RGS14: variants seen among roughly 807,000 people sequenced by gnomAD.
RGS14 encodes regulator of G-protein signaling 14.
Under a neutral mutation model 63.8 loss-of-function variants are expected in RGS14, and 33 were observed. The ratio of observed to expected loss-of-function variants is 0.52; its 90% CI spans 0.39 to 0.69. The LOEUF is 0.69. RGS14 is among the 30% of genes least tolerant of loss of function. RGS14 has a pLI of 0.00. For missense variants in RGS14, 739 were observed against 742.9 expected, an observed-to-expected ratio of 0.99 and a Z score of 0.06; for synonymous variants, 296 against 320.9, an observed-to-expected ratio of 0.92 and a Z score of 0.83.
chr5:177,365,075 C>A (rs1359230185), intron 1 of RGS14, among the ~76,000 whole-genome samples: 2 of 152,178 alleles, frequency 1.3e-5, no homozygotes, highest in South Asian at 2.1e-4. Flanking sequence ...ATAGGCAACA[C>A]GTGCGATAGT....
In RGS14 at chr5:177,368,931, G is replaced by A. The variant is rs752684329; in HGVS notation, c.1053+11G>A. ...GTGGGCAATGAACAGGTGGGAACGT[G>A]ACCTGGCTCCAACTCTAACCTCCTT... On this transcript the variant is annotated intron_variant, in intron 9 of 14. Transcript: ENST00000408923. 2 of 1,613,338 alleles carry A rather than the reference G, an allele frequency of 1.2e-6. No individual in the cohort carries two copies. The highest frequency in any genetic ancestry group is 1.7e-6 in the Non-Finnish European group (2 of 1,179,432).
rs188728356 is a variant in RGS14, at chr5:177,364,681, G to A, written c.46-1282G>A. ...GGTTGAGGCCACATTGCATGAGTGG[G>A]AGATAGTGGGGAAGCTGGAGGAGCT... On this transcript the variant is annotated intron_variant, in intron 1 of 14. Transcript: ENST00000408923. This position sits in a 1 kb window ranked among gnomAD's most constrained non-coding sequence, Gnocchi z 4.6. 6.6e-6 allele frequency among the ~76,000 whole-genome samples: 1 copy of A among 152,300 alleles called. No individual in the cohort carries two copies. Among genetic ancestry groups the A allele is most frequent in the East Asian group, 1.9e-4 (1 of 5,186 alleles).
chr5:177,362,160 G>A (rs1348705235), intron 1 of RGS14, among the ~76,000 whole-genome samples: 2 of 152,178 alleles, frequency 1.3e-5, no homozygotes, highest in African/African-American at 4.8e-5. Flanking sequence ...GAAGTTACTT[G>A]TTCCCGAATA....
At chr5:177,360,651 C>T (rs1260139576) in intron 1 of RGS14, among the ~76,000 whole-genome samples, 4 of 150,468 alleles carry the variant, frequency 2.7e-5, no homozygotes, top group Non-Finnish European at 3.0e-5. Flanking sequence ...CAGTTGCTCA[C>T]GCCTCTAATC....
At chr5:177,367,144 G>C in intron 5 of RGS14, 110 bp downstream of exon 5, 1 of 1,408,678 alleles carries the variant, frequency 7.1e-7, no homozygotes, top group Non-Finnish European at 9.6e-7. Context: ...AAATTTGGAG[G>C]CGGAGACAGA....
At chr5:177,366,658 GTCT>G in intron 3 of RGS14, 47 bp from the exon 4 acceptor site, 1 of 1,554,676 alleles carries the variant, frequency 6.4e-7, no homozygotes, top group Admixed American at 1.7e-5. Context: ...CCCCAGTTTG[GTCT>G]CTGTGTCTCT....
intron 5 of RGS14, 33 bp from the exon 6 acceptor site, chr5:177,367,381 C>T (rs1230721973): frequency 5.1e-6 from 8 of 1,564,788 alleles, no homozygotes; most frequent in Non-Finnish European, 7.0e-6. Context: ...CCCACCCCAG[C>T]CCCGGCTCAC....
At position 177,366,794 on chromosome 5, in the gene RGS14, C is replaced by A; in HGVS notation, c.333C>A (p.Thr111=). The A allele has an allele frequency of 6.2e-7, 1 of 1,614,104 alleles. No individual in the cohort carries two copies. Among genetic ancestry groups the A allele is most frequent in the Non-Finnish European group, 8.5e-7 (1 of 1,179,992 alleles). ...ERFQQIPASD[T]QQLAQEARNI... is the part of the protein sequence containing the mutation. ...TCCAGCAGATCCCGGCCAGCGATACCCAGCAGGTGGGGGAAGGGGGAGCTG... is the reference window on the plus strand; with the variant it reads ...TCCAGCAGATCCCGGCCAGCGATACACAGCAGGTGGGGGAAGGGGGAGCTG... The change falls in exon 4 of 15, where the codon ACC becomes ACA. Residue 111 remains threonine (T), a synonymous_variant. Coordinates refer to ENST00000408923, the MANE Select transcript of RGS14 (RefSeq NM_006480.5).
intron 5 of RGS14, 39 bp from the exon 6 acceptor site, chr5:177,367,375 C>T (rs1455034601): frequency 2.6e-6 from 4 of 1,557,390 alleles, no homozygotes; most frequent in Non-Finnish European, 3.5e-6. Flanking sequence ...AGCGCCCCCA[C>T]CCCAGCCCCG....
intron 1 of RGS14, among the ~76,000 whole-genome samples, chr5:177,362,924 G>C (rs908313754): frequency 6.6e-6 from 1 of 152,194 alleles, no homozygotes; most frequent in Non-Finnish European, 1.5e-5. Context: ...GCCAGCTCCA[G>C]CGCCTATCAC....
Position 177,371,376 on chromosome 5 carries a change from A to G in RGS14, c.1363A>G (p.Lys455Glu), listed in dbSNP as rs776350619. 4.3e-6 allele frequency: 7 copies of G among 1,613,702 alleles called. No individual in the cohort carries two copies. In the Admixed American group the frequency reaches 5.0e-5, roughly 12 times the overall value. ...PGVKISKARD[K>E]SPCRSQGCPP... ...TGTGAAGATCTCCAAAGCCCGTGAC[A>G]AATCTCCCTGCCGCAGCCAGGTGAG... The change falls in exon 13 of 15, where the codon AAA (lysine) becomes GAA (glutamate). Residue 455 changes from lysine to glutamate, a missense_variant. Lys to Glu is a moderately conservative substitution (Grantham distance 56). Transcript: ENST00000408923. The surrounding 1 kb of genome is among the most constrained non-coding windows in gnomAD (Gnocchi z 6.1).
In RGS14 at chr5:177,370,673, C is replaced by T; in HGVS notation, c.1127+9C>T. 1 of 1,613,722 alleles carries T rather than the reference C, an allele frequency of 6.2e-7. No individual in the cohort carries two copies. Among genetic ancestry groups the T allele is most frequent in the African/African-American group, 1.3e-5 (1 of 75,034 alleles). On this transcript the variant is annotated intron_variant, in intron 10 of 14. Transcript: ENST00000408923. ...AACAGGATCACCTTCGAGTGAGTGT[C>T]CTGCCCCCAAGTCTGGGTCCCAGGT...
rs550724184 is a variant in RGS14, at chr5:177,364,567, G to T, written c.46-1396G>T. On this transcript the variant is annotated intron_variant, in intron 1 of 14. Coordinates refer to ENST00000408923, the MANE Select transcript of RGS14 (RefSeq NM_006480.5). The surrounding 1 kb of genome is among the most constrained non-coding windows in gnomAD (Gnocchi z 4.6). Reference sequence around the variant, plus strand: ...TAACCCCAAGTCAGGGGTGATAGGCGCTGGAGCCGTTACCAGGAAGTTGGT... The same window carrying T: ...TAACCCCAAGTCAGGGGTGATAGGCTCTGGAGCCGTTACCAGGAAGTTGGT... Among the ~76,000 whole-genome samples, 21 of 152,280 alleles carry T rather than the reference G, an allele frequency of 1.4e-4. No homozygotes were observed. Among genetic ancestry groups the T allele is most frequent in the South Asian group, 1.2e-3 (6 of 4,822 alleles).
rs531722487 is a variant in RGS14, at chr5:177,359,556, C to A, written c.45+1487C>A. Among the ~76,000 whole-genome samples the A allele has an allele frequency of 6.6e-6, 1 of 152,344 alleles. No homozygotes were observed. Among genetic ancestry groups the A allele is most frequent in the South Asian group, 2.1e-4 (1 of 4,834 alleles). Reference sequence around the variant, plus strand: ...TCTGTGTCAGCCTGTGACTTCTCTACTCAAAAGTCACCTAGAGCAGGGAGG... The same window carrying A: ...TCTGTGTCAGCCTGTGACTTCTCTAATCAAAAGTCACCTAGAGCAGGGAGG... On this transcript the variant is annotated intron_variant, in intron 1 of 14. Coordinates refer to ENST00000408923, the MANE Select transcript of RGS14 (RefSeq NM_006480.5). The surrounding 1 kb of genome is among the most constrained non-coding windows in gnomAD (Gnocchi z 4.4).
chr5:177,367,854 TG>T (rs766551966), intron 7 of RGS14, 29 bp downstream of exon 7: 41 of 1,536,016 alleles, frequency 2.7e-5, no homozygotes, highest in Non-Finnish European at 3.3e-5. Context: ...AACAGAGATG[TG>T]GGGAAGGCGG....
In RGS14 at chr5:177,364,764, G is replaced by C. The variant is rs1401939250; in HGVS notation, c.46-1199G>C. 2.6e-5 allele frequency among the ~76,000 whole-genome samples: 4 copies of C among 152,214 alleles called. No individual in the cohort carries two copies. The highest frequency in any genetic ancestry group is 2.0e-4 in the Admixed American group (3 of 15,288). On this transcript the variant is annotated intron_variant, in intron 1 of 14. Coordinates refer to ENST00000408923, the MANE Select transcript of RGS14 (RefSeq NM_006480.5). This position sits in a 1 kb window ranked among gnomAD's most constrained non-coding sequence, Gnocchi z 4.6. ...CACCGCAAGAGTCATTTTGAGAGGA[G>C]AGTTTTTCTGTTTCACTAATGATTG...
rs1436188653 is a variant in RGS14 at position 177,370,596 on chromosome 5, G to T, written c.1059G>T (p.Leu353=). ...KVYLVGNEQA[L]VLDQDCTVLA... is the part of the protein sequence containing the mutation. ...CTGCCTGGCATCCACAGAAGGCCCTGGTCCTGGATCAGGACTGCACCGTGC... is the reference window on the plus strand; with the variant it reads ...CTGCCTGGCATCCACAGAAGGCCCTTGTCCTGGATCAGGACTGCACCGTGC... The change falls in exon 10 of 15, where the codon CTG becomes CTT. Residue 353 remains leucine, a synonymous_variant. Coordinates refer to ENST00000408923, the MANE Select transcript of RGS14 (RefSeq NM_006480.5). 1.2e-6 allele frequency: 2 copies of T among 1,613,858 alleles called. No homozygotes were observed. The highest frequency in any genetic ancestry group is 2.7e-5 in the African/African-American group (2 of 74,916).
chr5:177,366,623 C>G (rs1762098497), intron 3 of RGS14, 85 bp from the exon 4 acceptor site: 1 of 1,345,520 alleles, frequency 7.4e-7, no homozygotes, highest in African/African-American at 1.4e-5. Context: ...GGCCCTGTCT[C>G]TGTCCCAATC....
At position 177,367,759 on chromosome 5, in the gene RGS14, G is replaced by A. The variant is rs1233242610; in HGVS notation, c.673G>A (p.Glu225Lys). 2.5e-6 allele frequency: 4 copies of A among 1,613,192 alleles called. No homozygotes were observed. The highest frequency in any genetic ancestry group is 1.3e-5 in the African/African-American group (1 of 75,048). ...GAAGTCGCTGCCGCTGGGTGTGGAG[G>A]AGTTGGGGCAGCTGCCACCCGTTGA... ...PGKSLPLGVEELGQLPPVEGP... is the reference protein window; with the variant it reads ...PGKSLPLGVEKLGQLPPVEGP... Residue 225 changes from glutamate (E) to lysine (K), a missense_variant, in exon 7 of 15, where the codon GAG (glutamate) becomes AAG (lysine). Glu to Lys is a moderately conservative substitution (Grantham distance 56, BLOSUM62 1). Coordinates refer to ENST00000408923, the MANE Select transcript of RGS14 (RefSeq NM_006480.5).
Sources: gnomAD v4.1 joint callset for allele counts (sites outside exome capture counted in the v4.1 genomes callset) on GRCh38, gnomAD v4.1.1 for gene constraint, Gnocchi (gnomAD v3.1) non-coding constraint, MANE v1.5 for transcripts, NCBI Gene and HGNC (gene_info 2026-07-23, HGNC 2026-07-21) for gene names.